NUMB: variants seen among roughly 807,000 people sequenced by gnomAD.
The protein encoded by NUMB is NUMB endocytic adaptor protein.
A neutral mutation model predicts 59.7 loss-of-function variants in NUMB; 29 were observed. That is an observed-to-expected ratio of 0.49 (90% CI 0.36 to 0.66). NUMB has a LOEUF of 0.66. NUMB is among the 30% of genes least tolerant of loss of function. NUMB has a pLI of 0.00. For synonymous variants in NUMB, 288 were observed against 288.2 expected (o/e 1.00, Z 0.01); for missense variants, 723 against 822.0 (o/e 0.88, Z 1.47).
At chr14:73,393,805 A>G (rs1895977752) in intron 2 of NUMB, among the ~76,000 whole-genome samples, 1 of 152,220 alleles carries the variant, frequency 6.6e-6, no homozygotes, top group African/African-American at 2.4e-5. Flanking sequence ...AAGAGTCACA[A>G]GTTTTTGCTG....
chr14:73,395,286 T>C (rs920114338), intron 2 of NUMB, among the ~76,000 whole-genome samples: 1 of 152,140 alleles, frequency 6.6e-6, no homozygotes, highest in Non-Finnish European at 1.5e-5. Flanking sequence ...ATTCCTATCT[T>C]GGCTATTGTG....
chr14:73,400,410 T>C (rs1256225205), intron 2 of NUMB, among the ~76,000 whole-genome samples: 1 of 152,246 alleles, frequency 6.6e-6, no homozygotes, highest in Admixed American at 6.5e-5. Flanking sequence ...AACTCTAATG[T>C]AACCTAAGGA....
At chr14:73,352,945 A>G (rs1340602806) in intron 4 of NUMB, among the ~76,000 whole-genome samples, 1 of 151,390 alleles carries the variant, frequency 6.6e-6, no homozygotes, top group African/African-American at 2.4e-5. Context: ...TTTGCTTACC[A>G]CCTAGCATAT....
chr14:73,368,935 C>T (rs923334750), intron 2 of NUMB, among the ~76,000 whole-genome samples: 5 of 152,158 alleles, frequency 3.3e-5, no homozygotes, highest in African/African-American at 1.2e-4. Flanking sequence ...ACAACTTAAA[C>T]TAAAAAGTTT....
chr14:73,280,258 T>C lies in NUMB; in HGVS notation c.1097-834A>G, dbSNP rs193156481. Among the ~76,000 whole-genome samples the C allele has an allele frequency of 2.6e-5, 4 of 152,350 alleles. No homozygotes were observed. In the East Asian group the frequency reaches 7.7e-4, roughly 29 times the overall value. ...TTAAGCTAATATTTTACATGCATCA[T>C]TTCATTTAATTATCTCAAAAACCCT... On this transcript the variant is annotated intron_variant, in intron 11 of 12. Coordinates refer to ENST00000555238, the MANE Select transcript of NUMB (RefSeq NM_001005743.2).
chr14:73,285,433 G>T (rs1333880186), intron 9 of NUMB: 1 of 151,956 alleles, frequency 6.6e-6, no homozygotes, highest in Non-Finnish European at 1.5e-5. Flanking sequence ...TTAGATAACA[G>T]TAATACAGGT....
At chr14:73,439,589 C>A (rs1314386097) in intron 1 of NUMB, among the ~76,000 whole-genome samples, 1 of 152,124 alleles carries the variant, frequency 6.6e-6, no homozygotes, top group Admixed American at 6.5e-5. Flanking sequence ...TTAATACAAT[C>A]TTTACAACAC....
chr14:73,363,882 G>A (rs1424574748), intron 3 of NUMB, among the ~76,000 whole-genome samples: 3 of 152,296 alleles, frequency 2.0e-5, no homozygotes, highest in East Asian at 1.9e-4. Flanking sequence ...CCAGGAGTTC[G>A]AGGTTACAGT....
At chr14:73,291,785 G>A (rs1326743781) in intron 8 of NUMB, among the ~76,000 whole-genome samples, 1 of 151,730 alleles carries the variant, frequency 6.6e-6, no homozygotes, top group Non-Finnish European at 1.5e-5. Context: ...CTGGGTTCAA[G>A]CGATTCTTCT....
chr14:73,413,379 C>G (rs1432559277), intron 1 of NUMB, among the ~76,000 whole-genome samples: 1 of 151,958 alleles, frequency 6.6e-6, no homozygotes, highest in Non-Finnish European at 1.5e-5. Flanking sequence ...GCCACTGTGC[C>G]TATTTTTTAA....
intron 4 of NUMB, among the ~76,000 whole-genome samples, chr14:73,331,037 C>T (rs996518886): frequency 3.3e-5 from 5 of 152,196 alleles, no homozygotes; most frequent in Admixed American, 1.3e-4. Flanking sequence ...GCCTGAAGTC[C>T]TAATGATTTT....
At chr14:73,384,928 T>C (rs1188079980) in intron 2 of NUMB, among the ~76,000 whole-genome samples, 2 of 146,528 alleles carry the variant, frequency 1.4e-5, no homozygotes, top group African/African-American at 5.0e-5. Flanking sequence ...AGTTTCGCTC[T>C]TGCTGCCCAG....
chr14:73,304,297 GTTTCTTTC>G (rs752150508), intron 6 of NUMB, among the ~76,000 whole-genome samples: 2 of 150,186 alleles, frequency 1.3e-5, no homozygotes, highest in African/African-American at 2.5e-5. Flanking sequence ...AGAAACCACT[GTTTCTTTC>G]TTTCTTTCTT....
chr14:73,355,876 G>A, intron 3 of NUMB, 110 bp from the exon 4 acceptor site: 1 of 778,842 alleles, frequency 1.3e-6, no homozygotes. Flanking sequence ...AAAGGTTTTG[G>A]GTTTTATTTA....
chr14:73,330,015 C>T (rs973408169), intron 4 of NUMB, among the ~76,000 whole-genome samples: 1 of 152,094 alleles, frequency 6.6e-6, no homozygotes, highest in Non-Finnish European at 1.5e-5. Flanking sequence ...CCTCAGGTCT[C>T]AACAGCAGGG....
intron 4 of NUMB, among the ~76,000 whole-genome samples, chr14:73,325,910 A>G (rs1420180581): frequency 6.6e-6 from 1 of 152,206 alleles, no homozygotes; most frequent in Non-Finnish European, 1.5e-5. Context: ...TCTGTTTGGT[A>G]GAATGGTGAT....
At chr14:73,408,294 T>C (rs1278764089) in intron 2 of NUMB, among the ~76,000 whole-genome samples, 4 of 151,562 alleles carry the variant, frequency 2.6e-5, no homozygotes, top group Non-Finnish European at 5.9e-5. Context: ...GACTGTACAA[T>C]CCTGAAAAAG....
intron 5 of NUMB, among the ~76,000 whole-genome samples, chr14:73,320,601 TG>T (rs1230959338): frequency 9.9e-5 from 15 of 152,184 alleles, no homozygotes. Context: ...AAAACAGTTT[TG>T]GTAAACTTAA....
chr14:73,431,258 CT>C (rs546689222), intron 1 of NUMB, among the ~76,000 whole-genome samples: 167 of 127,340 alleles, frequency 1.3e-3, no homozygotes, highest in Middle Eastern at 5.0e-3. Context: ...CTTGGCTTTT[CT>C]TTTTTTTTTT....
Sources: gnomAD v4.1 joint callset for allele counts (sites outside exome capture counted in the v4.1 genomes callset) on GRCh38, gnomAD v4.1.1 for gene constraint, MANE v1.5 for transcripts, NCBI Gene and HGNC (gene_info 2026-07-23, HGNC 2026-07-21) for gene names.